Variants in PNPLA6 observed in about 807,000 individuals in gnomAD.
PNPLA6 encodes the protein patatin-like phospholipase domain-containing protein 6.
In PNPLA6, 105 loss-of-function variants were observed where a neutral mutation model predicts 153.7. The ratio of observed to expected loss-of-function variants is 0.68; its 90% CI spans 0.58 to 0.80. The LOEUF (loss-of-function observed/expected upper bound fraction) is 0.80, where lower values mean the gene tolerates loss of function less well. PNPLA6 is among the 30% of genes least tolerant of loss of function. The pLI, the probability that PNPLA6 is intolerant of heterozygous loss-of-function variation, is 0.00. For synonymous variants in PNPLA6, 825 were observed against 822.2 expected, an observed-to-expected ratio of 1.00 and a Z score of -0.06; for missense variants, 1,423 against 1,919.3, an observed-to-expected ratio of 0.74 and a Z score of 4.83.
chr19:7,540,502 G>A lies in PNPLA6; in HGVS notation c.715-128G>A, dbSNP rs1018678640. ...ATTGAACGATGGGAGATGCCTGCTC[G>A]TTGGAAGGGTTGGTGGGTTCCCCTG... On this transcript the variant is annotated intron_variant, in intron 5 of 31. Transcript: ENST00000600737. This position sits in a 1 kb window ranked among gnomAD's most constrained non-coding sequence, Gnocchi z 6.8. 39 of 992,578 alleles carry A rather than the reference G, an allele frequency of 3.9e-5. No individual in the cohort carries two copies. The highest frequency in any genetic ancestry group is 4.5e-4 in the Middle Eastern group (2 of 4,400). 61.5% of individuals were successfully genotyped at this position (992,578 alleles called of 1,614,324 possible).
At position 7,550,013 on chromosome 19, in the gene PNPLA6, T is replaced by C; in HGVS notation, c.1715T>C (p.Val572Ala). 6.2e-7 allele frequency: 1 copy of C among 1,614,044 alleles called. No individual in the cohort carries two copies. The highest frequency in any genetic ancestry group is 8.5e-7 in the Non-Finnish European group (1 of 1,180,036). ...TTCGTAGCGCAGCCCGGGGAACTGGTGGGGCAGCTGGCGGTGCTCACTGGC... is the reference window on the plus strand; with the variant it reads ...TTCGTAGCGCAGCCCGGGGAACTGGCGGGGCAGCTGGCGGTGCTCACTGGC... ...CLFVAQPGEL[V>A]GQLAVLTGEP... Residue 572 changes from valine (V) to alanine (A), a missense_variant, in exon 14 of 32, where the codon GTG (valine) becomes GCG (alanine). Val to Ala is a moderately conservative substitution (Grantham distance 64). Transcript: ENST00000600737.
intron 10 of PNPLA6, 200 bp from the exon 11 acceptor site, chr19:7,542,361 T>C (rs2146059443): frequency 1.6e-6 from 1 of 628,152 alleles, no homozygotes; most frequent in Non-Finnish European, 2.8e-6. Flanking sequence ...TTTCTTTTCT[T>C]TTGAGACCTG....
At chr19:7,556,856 C>A in intron 26 of PNPLA6, 132 bp downstream of exon 26, 1 of 749,204 alleles carries the variant, frequency 1.3e-6, no homozygotes, top group Non-Finnish European at 2.4e-6. Flanking sequence ...GATCACCGAC[C>A]ACTAACCGCC....
chr19:7,542,953 A>C (rs1351274245), intron 12 of PNPLA6, 25 bp downstream of exon 12: 1 of 1,613,874 alleles, frequency 6.2e-7, no homozygotes, highest in Non-Finnish European at 8.5e-7. Flanking sequence ...GGAGCTGGGC[A>C]CAGGGCGCAA....
At chr19:7,536,655 T>G in intron 3 of PNPLA6, 109 bp downstream of exon 3, 19 of 747,248 alleles carry the variant, frequency 2.5e-5, no homozygotes, top group East Asian at 2.7e-5. Flanking sequence ...GGCTGCGCGC[T>G]GTGGCTCATG....
intron 20 of PNPLA6, 135 bp downstream of exon 20, chr19:7,554,407 A>C: frequency 8.2e-7 from 1 of 1,223,382 alleles, no homozygotes; most frequent in Non-Finnish European, 1.2e-6. Flanking sequence ...GGAGATTCGC[A>C]GTGGTGTGAA....
At position 7,543,076 on chromosome 19, in the gene PNPLA6, G is replaced by A. The variant is rs1166984913; in HGVS notation, c.1600G>A (p.Gly534Arg). 3 of 1,613,870 alleles carry A rather than the reference G, an allele frequency of 1.9e-6. No individual in the cohort carries two copies. The highest frequency in any genetic ancestry group is 2.5e-6 in the Non-Finnish European group (3 of 1,179,952). The change falls in exon 13 of 32, where the codon GGA becomes AGA. Residue 534 changes from glycine to arginine, a missense_variant. Transcript: ENST00000600737. ...AKAGTIIARQ[G>R]DQDVSLHFVL... ...AGCTGGCACCATCATTGCCCGCCAG[G>A]GAGACCAGGTGAGGCTGACCCCTGA...
chr19:7,539,757 CAAAA>C (rs762061101), intron 3 of PNPLA6, among the ~76,000 whole-genome samples, 157 bp from the exon 4 acceptor site: 2 of 50,882 alleles, frequency 3.9e-5, no homozygotes, highest in African/African-American at 1.4e-4. Context: ...AACTTCGTCT[CAAAA>C]AAAAAAAAAA....
In PNPLA6 at chr19:7,541,822, T is replaced by A; in HGVS notation, c.1168+138T>A. On this transcript the variant is annotated intron_variant, in intron 9 of 31. Coordinates refer to ENST00000600737, the MANE Select transcript of PNPLA6 (RefSeq NM_001166114.2). This position sits in a 1 kb window ranked among gnomAD's most constrained non-coding sequence, Gnocchi z 5.2. Reference sequence around the variant, plus strand: ...GGGACTCCATAGCGGGGTACCCAGGTCTGACTCCTATCTGGTACCGAGGAA... The same window carrying A: ...GGGACTCCATAGCGGGGTACCCAGGACTGACTCCTATCTGGTACCGAGGAA... 1 of 1,137,336 alleles carries A rather than the reference T, an allele frequency of 8.8e-7. No individual in the cohort carries two copies. Among genetic ancestry groups the A allele is most frequent in the Non-Finnish European group, 1.3e-6 (1 of 783,682 alleles). 70.5% of individuals were successfully genotyped at this position (1,137,336 alleles called of 1,614,324 possible). A position where few individuals can be genotyped will look rare whatever the true frequency, so the allele number is the denominator to read the frequency against.
At position 7,542,846 on chromosome 19, in the gene PNPLA6, C is replaced by A. The variant is rs937353646; in HGVS notation, c.1448C>A (p.Pro483His). 1 of 1,612,998 alleles carries A rather than the reference C, an allele frequency of 6.2e-7. No homozygotes were observed. Among genetic ancestry groups the A allele is most frequent in the Non-Finnish European group, 8.5e-7 (1 of 1,179,866 alleles). The change falls in exon 12 of 32, where the codon CCT (proline) becomes CAT (histidine). Residue 483 changes from proline to histidine, a missense_variant. By Grantham distance (77) the Pro-to-His change is moderately conservative (BLOSUM62 -2). Coordinates refer to ENST00000600737, the MANE Select transcript of PNPLA6 (RefSeq NM_001166114.2). ...CEDESATGGC[P>H]FGPYQGRQTS... The stretch of plus-strand genomic sequence containing the variant: ...GATGAGTCGGCCACTGGTGGCTGCC[C>A]TTTCGGGCCCTACCAGGGCCGCCAG...
intron 19 of PNPLA6, 67 bp from the exon 20 acceptor site, chr19:7,554,142 C>A: frequency 1.3e-6 from 2 of 1,583,510 alleles, no homozygotes; most frequent in Non-Finnish European, 1.7e-6. Context: ...AATGGGTATT[C>A]TTTTCTGAGT....
chr19:7,535,616 G>C (rs747976027), upstream of PNPLA6: 1 of 1,590,220 alleles, frequency 6.3e-7, no homozygotes, highest in African/African-American at 1.3e-5. This position sits in a 1 kb window ranked among gnomAD's most constrained non-coding sequence, Gnocchi z 5.0. Flanking sequence ...TGCCGGCGTG[G>C]GGCGCCAAGA....
At chr19:7,548,795 A>T (rs531380021) in intron 13 of PNPLA6, among the ~76,000 whole-genome samples, 970 of 68,544 alleles carry the variant, frequency 0.014, 14 homozygotes, top group African/African-American at 0.045. Context: ...ATGTAAAAAA[A>T]TTTTTCTTTT....
Position 7,539,944 on chromosome 19 carries a change from C to T in PNPLA6, c.440C>T (p.Pro147Leu). The T allele has an allele frequency of 6.4e-7, 1 of 1,561,074 alleles. No individual in the cohort carries two copies. The highest frequency in any genetic ancestry group is 8.7e-7 in the Non-Finnish European group (1 of 1,154,024). Reference protein sequence around the residue: ...KKILRIQKETPTLQRKEPPPA... With the variant: ...KKILRIQKETLTLQRKEPPPA... ...ATCCTGCGCATCCAGAAAGAGACGC[C>T]CACGCTGCAGCGGAAGGAGCCCCCG... Residue 147 changes from proline (P) to leucine (L), a missense_variant, in exon 4 of 32, where the codon CCC becomes CTC. Around this residue, in one of 10 missense-constraint regions of PNPLA6, gnomAD observed 74 missense variants for 171.3 expected, o/e 0.43. Transcript: ENST00000600737.
chr19:7,534,497 A>G (rs1175466830), upstream of PNPLA6: 1 of 155,950 alleles, frequency 6.4e-6, no homozygotes, highest in South Asian at 1.9e-4. Flanking sequence ...CCGAATTTCC[A>G]TTAATATTCT....
In PNPLA6 at chr19:7,555,897, T is replaced by G; in HGVS notation, c.3093+134T>G. On this transcript the variant is annotated intron_variant, in intron 24 of 31. Coordinates refer to ENST00000600737, the MANE Select transcript of PNPLA6 (RefSeq NM_001166114.2). The surrounding 1 kb of genome is among the most constrained non-coding windows in gnomAD (Gnocchi z 6.3). Reference sequence around the variant, plus strand: ...TGATTAAATCTATGATCCCCAGCTGTCCGGACTTTTATAGATAAGCTTCTA... The same window carrying G: ...TGATTAAATCTATGATCCCCAGCTGGCCGGACTTTTATAGATAAGCTTCTA... 2.7e-5 allele frequency: 25 copies of G among 927,964 alleles called. No individual in the cohort carries two copies. The highest frequency in any genetic ancestry group is 2.3e-4 in the Middle Eastern group (1 of 4,422). 57.5% of individuals were successfully genotyped at this position (927,964 alleles called of 1,614,324 possible). A position where few individuals can be genotyped will look rare whatever the true frequency, so the allele number is the denominator to read the frequency against.
intron 13 of PNPLA6, among the ~76,000 whole-genome samples, chr19:7,547,312 C>T (rs1471663536): frequency 2.0e-5 from 3 of 152,202 alleles, no homozygotes; most frequent in East Asian, 3.8e-4. Context: ...TATGTGAATT[C>T]CAGTCTCTCT....
chr19:7,554,450 G>A (rs928645082), intron 20 of PNPLA6, 105 bp from the exon 21 acceptor site: 5 of 1,380,006 alleles, frequency 3.6e-6, no homozygotes, highest in Admixed American at 1.8e-5. Context: ...TCCGTGGTGG[G>A]GGTTTGGGTG....
At chr19:7,550,741 G>T (rs571932075) in intron 16 of PNPLA6, 101 bp downstream of exon 16, 2 of 1,448,630 alleles carry the variant, frequency 1.4e-6, no homozygotes, top group African/African-American at 2.8e-5. Context: ...GGTGAATGCA[G>T]CTCCCGACCT....
Sources: allele counts gnomAD v4.1 joint callset (sites outside exome capture counted in the v4.1 genomes callset), GRCh38; gene constraint gnomAD v4.1.1; regional missense constraint gnomAD v4.1.1; non-coding constraint Gnocchi (gnomAD v3.1); transcripts MANE v1.5; gene names NCBI Gene and HGNC (gene_info 2026-07-23, HGNC 2026-07-21).